Variants in TMEM132B observed in about 807,000 individuals in gnomAD.
TMEM132B encodes the protein transmembrane protein 132B.
TMEM132B carries 18 observed loss-of-function variants against 90.8 expected under a neutral mutation model. That is an observed-to-expected ratio of 0.20 (90% CI 0.14 to 0.29). The LOEUF (loss-of-function observed/expected upper bound fraction) is 0.29. TMEM132B is among the 10% of genes least tolerant of loss of function. TMEM132B has a pLI of 1.00. For synonymous variants in TMEM132B, 504 were observed against 523.3 expected, an observed-to-expected ratio of 0.96 and a Z score of 0.50; for missense variants, 1,096 against 1,326.8, an observed-to-expected ratio of 0.83 and a Z score of 2.70.
At chr12:125,351,038 T>G (rs1212005578) in intron 2 of TMEM132B, among the ~76,000 whole-genome samples, 1 of 152,210 alleles carries the variant, frequency 6.6e-6, no homozygotes, top group Non-Finnish European at 1.5e-5. Flanking sequence ...AGTTGTCATG[T>G]GCTGAGAGTT....
chr12:125,192,140 G>A (rs1184959503), intron 1 of TMEM132B, among the ~76,000 whole-genome samples: 2 of 152,176 alleles, frequency 1.3e-5, no homozygotes, highest in Admixed American at 6.5e-5. Context: ...TTAGCCCTTC[G>A]TTAGATTTTA....
chr12:125,195,892 C>T (rs1315295957), intron 1 of TMEM132B, among the ~76,000 whole-genome samples: 1 of 152,132 alleles, frequency 6.6e-6, no homozygotes, highest in East Asian at 1.9e-4. Flanking sequence ...GAGCTGTTCC[C>T]TCACTCTTTG....
At chr12:125,352,339 G>A (rs1877614623) in intron 2 of TMEM132B, among the ~76,000 whole-genome samples, 1 of 152,232 alleles carries the variant, frequency 6.6e-6, no homozygotes, top group South Asian at 2.1e-4. Context: ...GCCTCTATCT[G>A]TATGATCAAG....
rs565271975 is a variant in TMEM132B, at chr12:125,365,846, C to T, written c.959+15503C>T. Among the ~76,000 whole-genome samples, 5 of 152,180 alleles carry T rather than the reference C, an allele frequency of 3.3e-5. No individual in the cohort carries two copies. In the South Asian group the frequency reaches 6.2e-4, roughly 19 times the overall value. Reference sequence around the variant, plus strand: ...TAATTGGCATATCCATCACCTCAAACATTTTTCTTTGTGTTGGGAACATTA... The same window carrying T: ...TAATTGGCATATCCATCACCTCAAATATTTTTCTTTGTGTTGGGAACATTA... On this transcript the variant is annotated intron_variant, in intron 2 of 8. Coordinates refer to ENST00000682704, the MANE Select transcript of TMEM132B (RefSeq NM_001366854.1).
chr12:125,431,939 C>T (rs1880521263), intron 3 of TMEM132B, among the ~76,000 whole-genome samples: 1 of 152,170 alleles, frequency 6.6e-6, no homozygotes, highest in Non-Finnish European at 1.5e-5. Context: ...GACTTCACTG[C>T]AGTGTCCACT....
rs201828438 is a variant in TMEM132B at position 125,332,583 on chromosome 12, C to CTTTTTTTTTT, written c.68-16843_68-16834dup. On this transcript the variant is annotated intron_variant, in intron 1 of 8. Coordinates refer to ENST00000682704, the MANE Select transcript of TMEM132B (RefSeq NM_001366854.1). ...CTGAGAAATTAATTCAGAGAGTTGG[C>CTTTTTTTTTT]TTTTTTTTTTTTTTTTTTTTTTTTT... Among the ~76,000 whole-genome samples the CTTTTTTTTTT allele has an allele frequency of 3.8e-5, 2 of 52,416 alleles. 1 individual carries two copies. The highest frequency in any genetic ancestry group is 1.3e-3 in the East Asian group (2 of 1,536). 34.4% of individuals were successfully genotyped at this position (52,416 alleles called of 152,430 possible). A position where few individuals can be genotyped will look rare whatever the true frequency, so the allele number is the denominator to read the frequency against.
intron 3 of TMEM132B, among the ~76,000 whole-genome samples, chr12:125,444,860 T>C (rs1478693108): frequency 6.6e-6 from 1 of 151,906 alleles, no homozygotes; most frequent in Non-Finnish European, 1.5e-5. Context: ...GAACTGACCT[T>C]CTCCAGAAGA....
intron 2 of TMEM132B, among the ~76,000 whole-genome samples, chr12:125,401,393 G>A (rs887883971): frequency 1.3e-5 from 2 of 152,132 alleles, no homozygotes; most frequent in Non-Finnish European, 2.9e-5. Flanking sequence ...TAGTGCTAAG[G>A]AGAAAAATAA....
At chr12:125,526,362 T>C (rs1883462119) in intron 4 of TMEM132B, among the ~76,000 whole-genome samples, 1 of 152,214 alleles carries the variant, frequency 6.6e-6, no homozygotes, top group African/African-American at 2.4e-5. Context: ...CCCTCATTTC[T>C]CCCTGGAGAG....
intron 1 of TMEM132B, among the ~76,000 whole-genome samples, chr12:125,302,415 C>T (rs1875854389): frequency 6.6e-6 from 1 of 151,634 alleles, no homozygotes; most frequent in African/African-American, 2.4e-5. Flanking sequence ...GTCCAGTGAG[C>T]CCAGGTGGAA....
At chr12:125,309,477 C>A (rs1379347946) in intron 1 of TMEM132B, among the ~76,000 whole-genome samples, 2 of 151,954 alleles carry the variant, frequency 1.3e-5, no homozygotes, top group Non-Finnish European at 2.9e-5. Context: ...ATTCATTTGA[C>A]CGATATTTTC....
chr12:125,427,859 CA>C (rs1240868786), intron 3 of TMEM132B, among the ~76,000 whole-genome samples: 6 of 152,168 alleles, frequency 3.9e-5, no homozygotes, highest in African/African-American at 1.4e-4. Context: ...AAAATTGAAC[CA>C]GAGGGAATTG....
intron 3 of TMEM132B, among the ~76,000 whole-genome samples, chr12:125,486,193 C>T (rs909049182): frequency 1.3e-5 from 2 of 152,132 alleles, no homozygotes; most frequent in African/African-American, 2.4e-5. Context: ...AAGAGACAGC[C>T]AGGATGATTT....
intron 4 of TMEM132B, among the ~76,000 whole-genome samples, chr12:125,544,076 A>G (rs1884026613): frequency 6.6e-6 from 1 of 152,228 alleles, no homozygotes; most frequent in South Asian, 2.1e-4. Flanking sequence ...GGAAGCTATT[A>G]TCCTCGGCAA....
At chr12:125,618,672 GT>G (rs143701611) in intron 5 of TMEM132B, among the ~76,000 whole-genome samples, 3 of 151,246 alleles carry the variant, frequency 2.0e-5, no homozygotes, top group African/African-American at 4.9e-5. Flanking sequence ...TCCTTTAAAT[GT>G]TTTTTTTTAA....
At position 125,653,960 on chromosome 12, in the gene TMEM132B, G is replaced by A. The variant is rs548006905; in HGVS notation, c.2502G>A (p.Gln834=). The A allele has an allele frequency of 7.4e-6, 12 of 1,614,174 alleles. No individual in the cohort carries two copies. In the South Asian group the frequency reaches 1.2e-4, roughly 16 times the overall value. ...EREGNQERAV[Q]EWFHRGTPVG... ...AAGGAAACCAGGAGAGAGCAGTCCA[G>A]GAATGGTTCCACCGTGGCACACCTG... Residue 834 remains glutamine, a synonymous_variant, in exon 9 of 9, where the codon CAG becomes CAA. Coordinates refer to ENST00000682704, the MANE Select transcript of TMEM132B (RefSeq NM_001366854.1).
intron 3 of TMEM132B, among the ~76,000 whole-genome samples, chr12:125,473,547 G>A (rs1233621768): frequency 1.3e-5 from 2 of 152,178 alleles, no homozygotes; most frequent in African/African-American, 2.4e-5. Flanking sequence ...ATCAAACTTT[G>A]TGTGTTGTAA....
rs1244352858 is a variant in TMEM132B, at chr12:125,548,736, A to G, written c.1293+29111A>G. On this transcript the variant is annotated intron_variant, in intron 4 of 8. Transcript: ENST00000682704. ...TGGGAAGTCACGGGAGGGTTTGAGC[A>G]GAGGAGTTGACATGGTTTATGTTTG... Among the ~76,000 whole-genome samples the G allele has an allele frequency of 2.0e-5, 3 of 152,220 alleles. No homozygotes were observed. The East Asian group carries it at 5.8e-4, about 29-fold the overall frequency.
At position 125,432,528 on chromosome 12, in the gene TMEM132B, T is replaced by TAGAGAGAGAG. The variant is rs1163300235; in HGVS notation, c.1106+16881_1106+16890dup. On this transcript the variant is annotated intron_variant, in intron 3 of 8. Transcript: ENST00000682704. ...GTGTGTGTGTATATATATATATATA[T>TAGAGAGAGAG]AGAGAGAGAGAGAGAGAGAGAGAGA... Among the ~76,000 whole-genome samples, 9 of 39,124 alleles carry TAGAGAGAGAG rather than the reference T, an allele frequency of 2.3e-4. 1 individual carries two copies. The highest frequency in any genetic ancestry group is 3.5e-4 in the Non-Finnish European group (7 of 20,092). 25.7% of individuals were successfully genotyped at this position (39,124 alleles called of 152,430 possible). A position where few individuals can be genotyped will look rare whatever the true frequency, so the allele number is the denominator to read the frequency against.
Sources: gnomAD v4.1 joint callset for allele counts (sites outside exome capture counted in the v4.1 genomes callset) on GRCh38, gnomAD v4.1.1 for gene constraint, MANE v1.5 for transcripts, NCBI Gene and HGNC (gene_info 2026-07-23, HGNC 2026-07-21) for gene names.